SLC38A4: variants seen among roughly 807,000 people sequenced by gnomAD.
SLC38A4 encodes the protein sodium-coupled neutral amino acid transporter 4.
SLC38A4 carries 20 observed loss-of-function variants against 63.1 expected under a neutral mutation model. That is an observed-to-expected ratio of 0.32 (90% CI 0.22 to 0.46). The LOEUF (loss-of-function observed/expected upper bound fraction) is 0.46. Ranked by LOEUF, SLC38A4 falls within the 20% of genes least tolerant of loss-of-function variation. SLC38A4 has a pLI of 1.00. For missense variants in SLC38A4, 526 were observed against 663.6 expected (o/e 0.79, Z 2.28); for synonymous variants, 230 against 225.5 (o/e 1.02, Z -0.18).
chr12:46,800,058 A>G (rs1939098110), intron 2 of SLC38A4, among the ~76,000 whole-genome samples: 1 of 152,186 alleles, frequency 6.6e-6, no homozygotes, highest in African/African-American at 2.4e-5. Context: ...TAATTGAAAC[A>G]TAAAATTTTC....
In SLC38A4 at chr12:46,776,979, C is replaced by T. The variant is rs1255940496; in HGVS notation, c.1099G>A (p.Val367Met). The T allele has an allele frequency of 1.2e-6, 2 of 1,611,776 alleles. No individual in the cohort carries two copies. Among genetic ancestry groups the T allele is most frequent in the Non-Finnish European group, 1.7e-6 (2 of 1,178,576 alleles). Residue 367 changes from valine (V) to methionine (M), a missense_variant, in exon 13 of 17, where the codon GTG (valine) becomes ATG (methionine). Val to Met is a conservative substitution (Grantham distance 21). Transcript: ENST00000266579. ...KDRSRRKMQT[V>M]SNISITGMLV... ...ATCCCCGTGATGGAAATATTTGACA[C>T]CGTTTGCATTTTTCTCCGGGACCGA...
intron 6 of SLC38A4, 26 bp downstream of exon 6, chr12:46,785,078 T>C (rs746409741): frequency 1.8e-5 from 28 of 1,525,448 alleles, no homozygotes; most frequent in Non-Finnish European, 2.5e-5. Context: ...TAAAATAGAA[T>C]GTGTTGGACT....
chr12:46,789,525 A>C (rs750006370), intron 3 of SLC38A4, among the ~76,000 whole-genome samples: 6 of 152,144 alleles, frequency 3.9e-5, no homozygotes, highest in Non-Finnish European at 8.8e-5. Context: ...CAGCTCCTGC[A>C]GTTACAAGCC....
chr12:46,784,000 A>G (rs1938703269), intron 7 of SLC38A4, among the ~76,000 whole-genome samples: 1 of 152,006 alleles, frequency 6.6e-6, no homozygotes, highest in South Asian at 2.1e-4. Context: ...TGGGAATTAT[A>G]AGAATCCATA....
intron 10 of SLC38A4, among the ~76,000 whole-genome samples, 169 bp from the exon 11 acceptor site, chr12:46,778,945 G>A (rs1938584947): frequency 6.6e-6 from 1 of 151,934 alleles, no homozygotes; most frequent in African/African-American, 2.4e-5. Context: ...TCTAAGGGAA[G>A]AGTTGGAGCT....
Position 46,769,316 on chromosome 12 carries a change from A to G in SLC38A4, c.1412T>C (p.Val471Ala), listed in dbSNP as rs756534240. The stretch of plus-strand genomic sequence containing the variant: ...TCCGAAGATGTATTTTATAGTTGGC[A>G]CAAGGATGACCAGAACATTATTAAG... ...IALNNVLVIL[V>A]PTIKYIFGFI... The change falls in exon 15 of 17, where the codon GTG becomes GCG. Residue 471 changes from valine to alanine, a missense_variant. By Grantham distance (64) the Val-to-Ala change is moderately conservative (BLOSUM62 0). Coordinates refer to ENST00000266579, the MANE Select transcript of SLC38A4 (RefSeq NM_018018.5). The G allele has an allele frequency of 1.2e-6, 2 of 1,613,394 alleles. No homozygotes were observed. Among genetic ancestry groups the G allele is most frequent in the Admixed American group, 1.7e-5 (1 of 59,914 alleles).
Position 46,779,856 on chromosome 12 carries a change from C to G in SLC38A4, c.582G>C (p.Trp194Cys). Residue 194 changes from tryptophan (W) to cysteine (C), a missense_variant, in exon 9 of 17, where the codon TGG (tryptophan) becomes TGC (cysteine). Transcript: ENST00000266579. Reference protein sequence around the residue: ...FMGLEENTGEWYLNGNYLIIF... With the variant: ...FMGLEENTGECYLNGNYLIIF... ...TGATGAGGTAGTTGCCATTGAGGTA[C>G]CATTCTCTAGAAGTGAGAGACAAGG... 6.2e-7 allele frequency: 1 copy of G among 1,612,014 alleles called. No homozygotes were observed. The highest frequency in any genetic ancestry group is 8.5e-7 in the Non-Finnish European group (1 of 1,178,906).
At chr12:46,822,347 A>G (rs112844303) in intron 1 of SLC38A4, among the ~76,000 whole-genome samples, 3 of 152,258 alleles carry the variant, frequency 2.0e-5, no homozygotes, top group African/African-American at 7.2e-5. Flanking sequence ...GACTCCTTCT[A>G]TTTGTTTCTG....
chr12:46,815,405 T>G (rs1368143595), intron 1 of SLC38A4, among the ~76,000 whole-genome samples: 1 of 151,324 alleles, frequency 6.6e-6, no homozygotes, highest in African/African-American at 2.4e-5. Flanking sequence ...ATTCAACTCT[T>G]CCCTTCCTCT....
intron 10 of SLC38A4, 70 bp from the exon 11 acceptor site, chr12:46,778,846 A>C: frequency 1.4e-6 from 2 of 1,424,754 alleles, no homozygotes; most frequent in African/African-American, 1.4e-5. Flanking sequence ...AAGAATCCAT[A>C]TGTGTGGCTT....
intron 8 of SLC38A4, 39 bp from the exon 9 acceptor site, chr12:46,779,901 C>T: frequency 6.2e-7 from 1 of 1,608,870 alleles, no homozygotes; most frequent in South Asian, 1.1e-5. Context: ...TCAGAAAAGA[C>T]CAAGTAGAAT....
At chr12:46,797,572 G>A (rs74086108) in intron 2 of SLC38A4, among the ~76,000 whole-genome samples, 5,768 of 152,162 alleles carry the variant, frequency 0.038, 387 homozygotes, top group African/African-American at 0.13. Flanking sequence ...GCTGTACTTT[G>A]AGATCTCTTG....
chr12:46,779,637 T>G lies in SLC38A4; in HGVS notation c.691A>C (p.Thr231Pro). The G allele has an allele frequency of 6.2e-7, 1 of 1,606,822 alleles. No individual in the cohort carries two copies. The highest frequency in any genetic ancestry group is 8.5e-7 in the Non-Finnish European group (1 of 1,177,758). Reference sequence around the variant, plus strand: ...ACACTAACAAAAAACACCATGCAGGTAAGAGAAAATCCACTGGTATAGCCA... The same window carrying G: ...ACACTAACAAAAAACACCATGCAGGGAAGAGAAAATCCACTGGTATAGCCA... The part of the protein sequence containing the change: ...YLGYTSGFSL[T>P]CMVFFVSVVI... The change falls in exon 10 of 17, where the codon ACC becomes CCC. Residue 231 changes from threonine to proline, a missense_variant. Physicochemically the swap from Thr to Pro is conservative, Grantham distance 38. Transcript: ENST00000266579.
At chr12:46,786,358 C>T (rs755032500) in intron 5 of SLC38A4, among the ~76,000 whole-genome samples, 3 of 152,070 alleles carry the variant, frequency 2.0e-5, no homozygotes, top group Non-Finnish European at 4.4e-5. Context: ...CTTAGACACA[C>T]AAAACACACC....
intron 1 of SLC38A4, among the ~76,000 whole-genome samples, chr12:46,805,545 A>G (rs569372891): frequency 6.4e-4 from 97 of 152,188 alleles, no homozygotes; most frequent in Non-Finnish European, 8.8e-5. Context: ...CAAAACACAG[A>G]CTTAATCATT....
At chr12:46,805,152 C>T (rs544667724) in intron 1 of SLC38A4, among the ~76,000 whole-genome samples, 1 of 152,016 alleles carries the variant, frequency 6.6e-6, no homozygotes, top group African/African-American at 2.4e-5. Flanking sequence ...TAAAGTTTTA[C>T]TCTTCCTAAA....
At position 46,795,645 on chromosome 12, in the gene SLC38A4, T is replaced by C. The variant is rs988433467; in HGVS notation, c.-112-2462A>G. Among the ~76,000 whole-genome samples the C allele has an allele frequency of 2.6e-5, 4 of 152,148 alleles. No homozygotes were observed. The South Asian group carries it at 8.3e-4, about 32-fold the overall frequency. On this transcript the variant is annotated intron_variant, in intron 2 of 16. Coordinates refer to ENST00000266579, the MANE Select transcript of SLC38A4 (RefSeq NM_018018.5). ...CACACAATGAGCCTATGTCTGTAAATAGAATTTCTGAGTTGCTTCATGTTG... is the reference window on the plus strand; with the variant it reads ...CACACAATGAGCCTATGTCTGTAAACAGAATTTCTGAGTTGCTTCATGTTG...
At position 46,784,597 on chromosome 12, in the gene SLC38A4, A is replaced by T. The variant is rs1938720006; in HGVS notation, c.438T>A (p.Phe146Leu). Residue 146 changes from phenylalanine (F) to leucine (L), a missense_variant, in exon 7 of 17, where the codon TTT (phenylalanine) becomes TTA (leucine). By Grantham distance (22) the Phe-to-Leu change is conservative. Transcript: ENST00000266579. ...LIYEKLGEKA[F>L]GWPGKIGAFV... ...AAGCTCCAATTTTTCCCGGCCATCCAAATGCCTTTTCTCCTAATTTTTCAT... is the reference window on the plus strand; with the variant it reads ...AAGCTCCAATTTTTCCCGGCCATCCTAATGCCTTTTCTCCTAATTTTTCAT... 1.2e-6 allele frequency: 2 copies of T among 1,612,918 alleles called. No individual in the cohort carries two copies. Among genetic ancestry groups the T allele is most frequent in the East Asian group, 4.5e-5 (2 of 44,740 alleles).
chr12:46,781,104 T>C (rs543565663), intron 7 of SLC38A4, among the ~76,000 whole-genome samples: 31 of 152,174 alleles, frequency 2.0e-4, no homozygotes, highest in African/African-American at 6.3e-4. Context: ...CATTACTTCA[T>C]TTGATCATCT....
Sources: gnomAD v4.1 joint callset for allele counts (sites outside exome capture counted in the v4.1 genomes callset) on GRCh38, gnomAD v4.1.1 for gene constraint, MANE v1.5 for transcripts, NCBI Gene and HGNC (gene_info 2026-07-23, HGNC 2026-07-21) for gene names.